TXN2: variants seen among roughly 807,000 people sequenced by gnomAD.
TXN2 encodes the protein thioredoxin 2.
TXN2 carries 12 observed loss-of-function variants against 14.6 expected under a neutral mutation model. That is an observed-to-expected ratio of 0.82 (90% CI 0.53 to 1.33). TXN2 has a LOEUF of 1.33. Among genes scored for constraint, TXN2 ranks in the 40% most tolerant of loss-of-function variants. The pLI is 0.00. For synonymous variants in TXN2, 89 were observed against 81.0 expected (o/e 1.10, Z -0.53); for missense variants, 173 against 207.7 (o/e 0.83, Z 1.03).
intron 2 of TXN2, among the ~76,000 whole-genome samples, chr22:36,479,108 TG>T (rs1466327530): frequency 1.3e-5 from 2 of 152,060 alleles, no homozygotes; most frequent in East Asian, 3.9e-4. Flanking sequence ...CATTCTAGCC[TG>T]GGTGACAGAG....
chr22:36,478,131 T>TC (rs1933425590), intron 2 of TXN2, among the ~76,000 whole-genome samples: 1 of 68,038 alleles, frequency 1.5e-5, no homozygotes, highest in African/African-American at 6.2e-5. Context: ...AGACTCTGTC[T>TC]CAAAAAAAAA....
intron 3 of TXN2, among the ~76,000 whole-genome samples, chr22:36,472,936 G>A (rs1222382979): frequency 6.6e-6 from 1 of 152,012 alleles, no homozygotes; most frequent in Non-Finnish European, 1.5e-5. Flanking sequence ...GTCAGTATGG[G>A]GCCTTCAGAA....
chr22:36,476,994 C>A, intron 2 of TXN2, 138 bp from the exon 3 acceptor site: 1 of 1,411,480 alleles, frequency 7.1e-7, no homozygotes, highest in Non-Finnish European at 9.5e-7. Flanking sequence ...ATTAACACAC[C>A]AAATGGTAAT....
At chr22:36,470,299 C>A (rs1383506432) in intron 3 of TXN2, among the ~76,000 whole-genome samples, 1 of 152,226 alleles carries the variant, frequency 6.6e-6, no homozygotes, top group Non-Finnish European at 1.5e-5. Context: ...CCTCAGGCCC[C>A]TTCAAAGGCT....
chr22:36,472,315 G>A (rs1049838070), intron 3 of TXN2, among the ~76,000 whole-genome samples: 1 of 152,132 alleles, frequency 6.6e-6, no homozygotes, highest in African/African-American at 2.4e-5. Flanking sequence ...AGAGGAGAGA[G>A]GACATGGAGG....
chr22:36,474,084 C>T (rs938572850), intron 3 of TXN2, among the ~76,000 whole-genome samples: 7 of 152,234 alleles, frequency 4.6e-5, no homozygotes, highest in Admixed American at 3.9e-4. Flanking sequence ...AGCCCCAGCC[C>T]GGGCTCTCAC....
intron 3 of TXN2, among the ~76,000 whole-genome samples, chr22:36,474,217 T>C (rs1933341672): frequency 6.6e-6 from 1 of 152,154 alleles, no homozygotes; most frequent in South Asian, 2.1e-4. Context: ...CCAGCCCCTG[T>C]AAACAGCCCT....
rs866172916 is a variant in TXN2, at chr22:36,467,492, C to T, written c.*312G>A. 6.7e-5 allele frequency: 22 copies of T among 328,332 alleles called. No individual in the cohort carries two copies. Among genetic ancestry groups the T allele is most frequent in the African/African-American group, 4.2e-4 (20 of 48,016 alleles). The allele number at this position is 328,332 out of a possible 1,614,324, so 20.3% of individuals were successfully genotyped here. A position where few individuals can be genotyped will look rare whatever the true frequency, so the allele number is the denominator to read the frequency against. On this transcript the variant is annotated 3_prime_UTR_variant, in exon 4 of 4. Transcript: ENST00000216185. The stretch of plus-strand genomic sequence containing the variant: ...AAGATGAGGACCAAGGTGTGGCTGC[C>T]TGACTAGGAACGCTGTGGGCTGGCC...
chr22:36,473,189 T>C (rs2145822636), intron 3 of TXN2, among the ~76,000 whole-genome samples: 1 of 152,224 alleles, frequency 6.6e-6, no homozygotes, highest in South Asian at 2.1e-4. Flanking sequence ...ACGCCCGCAA[T>C]CCTAGCACTT....
intron 3 of TXN2, among the ~76,000 whole-genome samples, chr22:36,470,124 G>C (rs781237051): frequency 6.6e-6 from 1 of 152,178 alleles, no homozygotes; most frequent in Non-Finnish European, 1.5e-5. Flanking sequence ...GTAAGATTCA[G>C]AATGTTCAAA....
At chr22:36,481,442 GGACCCTGGCTCTCCGGCGA>G (rs1246000096) in intron 1 of TXN2, 103 bp downstream of exon 1, 1 of 270,688 alleles carries the variant, frequency 3.7e-6, no homozygotes, top group East Asian at 1.8e-4. Flanking sequence ...ACATCACCAG[GGACCCTGGCTCTCCGGCGA>G]GCTAGATCCC....
chr22:36,469,039 C>T lies in TXN2; in HGVS notation c.388-1122G>A, dbSNP rs961452622. 2.7e-4 allele frequency among the ~76,000 whole-genome samples: 39 copies of T among 144,472 alleles called. No individual in the cohort carries two copies. In the Middle Eastern group the frequency reaches 0.011, roughly 41 times the overall value. 94.8% of individuals were successfully genotyped at this position (144,472 alleles called of 152,430 possible). On this transcript the variant is annotated intron_variant, in intron 3 of 3. Coordinates refer to ENST00000216185, the MANE Select transcript of TXN2 (RefSeq NM_012473.4). ...CCTGGGTGACAGAGTGAGACTCCAT[C>T]TCATAAATAAATAAATAAATAAATA...
At chr22:36,469,794 A>G (rs1003066931) in intron 3 of TXN2, among the ~76,000 whole-genome samples, 1 of 152,136 alleles carries the variant, frequency 6.6e-6, no homozygotes, top group East Asian at 1.9e-4. Flanking sequence ...CGTCTCTACT[A>G]AAAATACAAA....
chr22:36,479,322 C>A (rs1933449851), intron 2 of TXN2, among the ~76,000 whole-genome samples: 1 of 151,122 alleles, frequency 6.6e-6, no homozygotes, highest in African/African-American at 2.4e-5. Flanking sequence ...GAAGGCCCTT[C>A]AATTTCTTTT....
At position 36,476,866 on chromosome 22, in the gene TXN2, C is replaced by G. The variant is rs775480137; in HGVS notation, c.264-10G>C. The G allele has an allele frequency of 6.2e-6, 10 of 1,614,112 alleles. No homozygotes were observed. Among genetic ancestry groups the G allele is most frequent in the Admixed American group, 3.3e-5 (2 of 60,008 alleles). On this transcript the variant is annotated splice_polypyrimidine_tract_variant and intron_variant, in intron 2 of 3. Coordinates refer to ENST00000216185, the MANE Select transcript of TXN2 (RefSeq NM_012473.4). ...GCAGGGTCCACACCACCTCAAAAGG[C>G]GAGAAAGGAAGCATCCAGTCAGTCA... is the stretch of plus-strand genomic sequence containing the variant.
chr22:36,469,785 G>A (rs1044807000), intron 3 of TXN2, among the ~76,000 whole-genome samples: 3 of 152,078 alleles, frequency 2.0e-5, no homozygotes, highest in East Asian at 1.9e-4. Flanking sequence ...GTGAAACCCC[G>A]TCTCTACTAA....
At chr22:36,472,529 G>A (rs920263313) in intron 3 of TXN2, among the ~76,000 whole-genome samples, 3 of 152,110 alleles carry the variant, frequency 2.0e-5, no homozygotes, top group Admixed American at 2.0e-4. Flanking sequence ...CTGGGCATGC[G>A]GGAGGACAGG....
At chr22:36,473,430 G>A (rs984906456) in intron 3 of TXN2, among the ~76,000 whole-genome samples, 65 of 152,214 alleles carry the variant, frequency 4.3e-4, no homozygotes, top group African/African-American at 1.4e-3. Context: ...GCGACAGAGC[G>A]AGACTCCATC....
chr22:36,467,623 C>T lies in TXN2; in HGVS notation c.*181G>A. 1.7e-6 allele frequency: 1 copy of T among 598,362 alleles called. No individual in the cohort carries two copies. The highest frequency in any genetic ancestry group is 3.0e-6 in the Non-Finnish European group (1 of 333,614). The allele number at this position is 598,362 out of a possible 1,614,324, so 37.1% of individuals were successfully genotyped here. On this transcript the variant is annotated 3_prime_UTR_variant, in exon 4 of 4. Coordinates refer to ENST00000216185, the MANE Select transcript of TXN2 (RefSeq NM_012473.4). ...GGTCCCCGGATCAGCAGCAGCACCA[C>T]CATCCTCTGATGGCCCCTGGGCAGT...
Sources: allele counts gnomAD v4.1 joint callset (sites outside exome capture counted in the v4.1 genomes callset), GRCh38; gene constraint gnomAD v4.1.1; transcripts MANE v1.5; gene names NCBI Gene and HGNC (gene_info 2026-07-23, HGNC 2026-07-21).